The following MRPL21 variants were observed in gnomAD, a reference collection of about 807,000 sequenced individuals.
The protein encoded by MRPL21 is large ribosomal subunit protein bL21m.
MRPL21 carries 20 observed loss-of-function variants against 27.3 expected under a neutral mutation model. That is an observed-to-expected ratio of 0.73 (90% CI 0.52 to 1.06). The LOEUF (loss-of-function observed/expected upper bound fraction) is 1.06. Among genes scored for constraint, MRPL21 ranks in the 50% least tolerant of loss-of-function variants. MRPL21 has a pLI of 0.00. For synonymous variants in MRPL21, 98 were observed against 101.5 expected (o/e 0.97, Z 0.21); for missense variants, 249 against 251.4 (o/e 0.99, Z 0.06).
At position 68,891,383 on chromosome 11, in the gene MRPL21, G is replaced by A. The variant is rs1265903244; in HGVS notation, c.566C>T (p.Pro189Leu). ...GCTGTTTATCCGGAGGACAGTCTGCGGGGTCGTGACGACTGAAAGAAAGGA... is the reference window on the plus strand; with the variant it reads ...GCTGTTTATCCGGAGGACAGTCTGCAGGGTCGTGACGACTGAAAGAAAGGA... ...NFKKKRIVTT[P>L]QTVLRINSIE... Residue 189 changes from proline (P) to leucine (L), a missense_variant, in exon 7 of 7, where the codon CCG becomes CTG. Coordinates refer to ENST00000362034, the MANE Select transcript of MRPL21 (RefSeq NM_181514.2). 23 of 1,613,882 alleles carry A rather than the reference G, an allele frequency of 1.4e-5. No individual in the cohort carries two copies. The highest frequency in any genetic ancestry group is 1.7e-5 in the Non-Finnish European group (20 of 1,179,992).
intron 2 of MRPL21, among the ~76,000 whole-genome samples, chr11:68,899,278 T>C (rs1857877382): frequency 6.6e-6 from 1 of 152,208 alleles, no homozygotes; most frequent in Non-Finnish European, 1.5e-5. Flanking sequence ...TAAGCTTTTA[T>C]TGCTGCTGCC....
intron 3 of MRPL21, 70 bp downstream of exon 3, chr11:68,897,857 A>C (rs1039095986): frequency 1.7e-6 from 2 of 1,201,332 alleles, no homozygotes; most frequent in Non-Finnish European, 2.5e-6. Context: ...GCCTGGTGAC[A>C]ACCTCTGTGG....
At chr11:68,898,141 G>A in intron 2 of MRPL21, 129 bp from the exon 3 acceptor site, 1 of 748,430 alleles carries the variant, frequency 1.3e-6, no homozygotes, top group Admixed American at 2.1e-5. Flanking sequence ...TTTCGGACAG[G>A]CCCCGCCCCT....
At chr11:68,896,802 C>T in intron 3 of MRPL21, 124 bp from the exon 4 acceptor site, 1 of 1,296,158 alleles carries the variant, frequency 7.7e-7, no homozygotes, top group South Asian at 1.3e-5. Flanking sequence ...CCCTTGTGAG[C>T]ACCTCACTGC....
chr11:68,900,438 G>C (rs755529245), intron 2 of MRPL21, 110 bp downstream of exon 2: 1 of 1,056,976 alleles, frequency 9.5e-7, no homozygotes, highest in Non-Finnish European at 1.4e-6. Context: ...AAAAACAAAA[G>C]AGGAAATTTA....
intron 4 of MRPL21, among the ~76,000 whole-genome samples, chr11:68,894,431 C>T (rs561218532): frequency 4.6e-5 from 7 of 152,174 alleles, no homozygotes; most frequent in Non-Finnish European, 8.8e-5. Flanking sequence ...CAGGCGCCCA[C>T]CACAAACCCC....
intron 6 of MRPL21, chr11:68,891,876 T>C: frequency 2.1e-6 from 1 of 482,308 alleles, no homozygotes; most frequent in African/African-American, 1.9e-5. Context: ...GACAGAATTC[T>C]GCAGCCGCTC....
chr11:68,893,157 A>G (rs968449737), intron 5 of MRPL21, among the ~76,000 whole-genome samples, 164 bp from the exon 6 acceptor site: 2 of 152,232 alleles, frequency 1.3e-5, no homozygotes, highest in African/African-American at 4.8e-5. Context: ...ACCACAAAGA[A>G]CAGTTCCAGG....
intron 3 of MRPL21, chr11:68,897,672 A>G: frequency 1.8e-6 from 1 of 543,118 alleles, no homozygotes. Context: ...AGCAGACGAG[A>G]TGGAGCAGGG....
chr11:68,891,534 AG>A, intron 6 of MRPL21, 139 bp from the exon 7 acceptor site: 1 of 810,378 alleles, frequency 1.2e-6, no homozygotes, highest in South Asian at 1.4e-5. Flanking sequence ...GTTTATCTCC[AG>A]GTGTGCACTG....
Position 68,897,969 on chromosome 11 carries a change from CT to C in MRPL21, c.189del (p.Val64LeufsTer17). On this transcript the variant is annotated frameshift_variant, in exon 3 of 7. Coordinates refer to ENST00000362034, the MANE Select transcript of MRPL21 (RefSeq NM_181514.2). LOFTEE classifies it high-confidence loss of function. ...TCCTCAACTGGGTCTGGCAGAACAACTTCTGGCCAAGGTGGTGAACTCAGGG... is the reference window on the plus strand; with the variant it reads ...TCCTCAACTGGGTCTGGCAGAACAACTCTGGCCAAGGTGGTGAACTCAGGG... ...KTSLSSPPWPEVVLPDPVEET... is the reference protein window; with the variant it reads ...KTSLSSPPWPXVVLPDPVEET... The C allele has an allele frequency of 1.2e-6, 2 of 1,614,192 alleles. No individual in the cohort carries two copies. Among genetic ancestry groups the C allele is most frequent in the African/African-American group, 2.7e-5 (2 of 75,046 alleles).
At chr11:68,891,573 C>G in intron 6 of MRPL21, 178 bp from the exon 7 acceptor site, 1 of 663,866 alleles carries the variant, frequency 1.5e-6, no homozygotes, top group East Asian at 2.7e-5. Context: ...TTCGTTCACT[C>G]TGTTGGCAGG....
intron 1 of MRPL21, 96 bp from the exon 2 acceptor site, chr11:68,900,701 A>T: frequency 8.9e-7 from 1 of 1,122,576 alleles, no homozygotes; most frequent in Non-Finnish European, 1.4e-6. Flanking sequence ...CTCCTGGTAC[A>T]TGGTATGAAC....
Position 68,903,581 on chromosome 11 carries a change from C to T in MRPL21, c.88+142G>A, listed in dbSNP as rs1285715586. ...ATCAAAATCTGAACCTGGGTTCCCCCGACTCCAAAACCCGTGCTATATTCA... is the reference window on the plus strand; with the variant it reads ...ATCAAAATCTGAACCTGGGTTCCCCTGACTCCAAAACCCGTGCTATATTCA... On this transcript the variant is annotated intron_variant, in intron 1 of 6. Coordinates refer to ENST00000362034, the MANE Select transcript of MRPL21 (RefSeq NM_181514.2). 6.1e-6 allele frequency: 5 copies of T among 824,294 alleles called. No individual in the cohort carries two copies. In the South Asian group the frequency reaches 6.4e-5, roughly 11 times the overall value. 51.1% of individuals were successfully genotyped at this position (824,294 alleles called of 1,614,324 possible).
At chr11:68,895,118 G>T (rs545859308) in intron 4 of MRPL21, among the ~76,000 whole-genome samples, 93 of 151,438 alleles carry the variant, frequency 6.1e-4, no homozygotes, top group African/African-American at 2.2e-3. Flanking sequence ...TACAAAATTA[G>T]CCAGGCATGG....
At position 68,891,629 on chromosome 11, in the gene MRPL21, C is replaced by T. The variant is rs774735135; in HGVS notation, c.554-234G>A. On this transcript the variant is annotated intron_variant, in intron 6 of 6. Coordinates refer to ENST00000362034, the MANE Select transcript of MRPL21 (RefSeq NM_181514.2). ...ACGCCTCATGGCCAGGAGTGCCCTG[C>T]GCTGGCACCTCACCTCTCCTCCCAC... The T allele has an allele frequency of 6.8e-6, 4 of 585,540 alleles. No individual in the cohort carries two copies. In the Admixed American group the frequency reaches 8.7e-5, roughly 13 times the overall value. 36.3% of individuals were successfully genotyped at this position (585,540 alleles called of 1,614,324 possible).
intron 4 of MRPL21, among the ~76,000 whole-genome samples, chr11:68,894,481 C>T (rs1406867572): frequency 6.6e-6 from 1 of 152,178 alleles, no homozygotes; most frequent in Non-Finnish European, 1.5e-5. Context: ...GATGGGGTTT[C>T]ACCATGTTGG....
At chr11:68,902,367 G>A (rs901082172) in intron 1 of MRPL21, among the ~76,000 whole-genome samples, 5 of 152,218 alleles carry the variant, frequency 3.3e-5, no homozygotes, top group Admixed American at 2.6e-4. Flanking sequence ...CAAAAGTAAA[G>A]AGAACAGAAT....
chr11:68,903,322 G>T (rs1309921232), intron 1 of MRPL21, among the ~76,000 whole-genome samples: 1 of 152,134 alleles, frequency 6.6e-6, no homozygotes, highest in Non-Finnish European at 1.5e-5. Flanking sequence ...GTTCAGATTA[G>T]GCGAGGATAT....
Sources: allele counts gnomAD v4.1 joint callset (sites outside exome capture counted in the v4.1 genomes callset), GRCh38; gene constraint gnomAD v4.1.1; transcripts MANE v1.5; gene names NCBI Gene and HGNC (gene_info 2026-07-23, HGNC 2026-07-21).